The following GPR141 variants were observed in gnomAD, a reference collection of about 807,000 sequenced individuals.
The protein encoded by GPR141 is G protein-coupled receptor 141, also known as probable G protein-coupled receptor 141.
Under a neutral mutation model 6.8 loss-of-function variants are expected in GPR141, and 6 were observed. That is an observed-to-expected ratio of 0.88 (90% CI 0.48 to 1.74). The LOEUF (loss-of-function observed/expected upper bound fraction) is 1.74, where lower values mean the gene tolerates loss of function less well. Ranked by LOEUF, GPR141 falls within the 40% of genes most tolerant of loss-of-function variation. The probability of loss-of-function intolerance (pLI) is 0.01; values close to 1 mark genes in which losing one functional copy is unlikely to be tolerated. For synonymous variants in GPR141, 140 were observed against 142.3 expected, an observed-to-expected ratio of 0.98 and a Z score of 0.11; for missense variants, 372 against 372.9, an observed-to-expected ratio of 1.00 and a Z score of 0.02.
rs1247245839 is a variant in GPR141, at chr7:37,722,288, G to A, written c.-14-18092G>A. ...CCACTTGATGAGATGTTATACGGTCGTATAAAAGTGCACGGAAACAGGTCA... is the reference window on the plus strand; with the variant it reads ...CCACTTGATGAGATGTTATACGGTCATATAAAAGTGCACGGAAACAGGTCA... On this transcript the variant is annotated intron_variant, in intron 2 of 2. Coordinates refer to ENST00000334425, the MANE Select transcript of GPR141 (RefSeq NM_001381946.1). 7.2e-5 allele frequency among the ~76,000 whole-genome samples: 11 copies of A among 152,224 alleles called. No individual in the cohort carries two copies. The East Asian group carries it at 1.5e-3, about 21-fold the overall frequency.
chr7:37,718,791 A>C (rs1338734347), intron 2 of GPR141, among the ~76,000 whole-genome samples: 1 of 152,182 alleles, frequency 6.6e-6, no homozygotes, highest in African/African-American at 2.4e-5. Context: ...TGAGATCACA[A>C]GGGTGATAGA....
chr7:37,701,144 G>A (rs188564079), intron 2 of GPR141, among the ~76,000 whole-genome samples: 35 of 152,278 alleles, frequency 2.3e-4, no homozygotes, highest in Middle Eastern at 3.4e-3. Context: ...CTTATGATTC[G>A]TTGTGATTTG....
chr7:37,688,405 C>G (rs928835553), intron 2 of GPR141, among the ~76,000 whole-genome samples: 4 of 152,168 alleles, frequency 2.6e-5, no homozygotes, highest in Non-Finnish European at 5.9e-5. Context: ...CCACTTCAAC[C>G]TGGGCAACAA....
intron 2 of GPR141, among the ~76,000 whole-genome samples, chr7:37,736,577 T>C (rs1269760109): frequency 6.7e-6 from 1 of 150,152 alleles, no homozygotes; most frequent in African/African-American, 2.4e-5. Flanking sequence ...CATGCAACCA[T>C]AATAGAAGCA....
chr7:37,717,472 T>C (rs1312399868), intron 2 of GPR141, among the ~76,000 whole-genome samples: 3 of 152,226 alleles, frequency 2.0e-5, no homozygotes, highest in Non-Finnish European at 4.4e-5. Context: ...CAGACCATAA[T>C]GGAGAAGACC....
At chr7:37,739,321 T>C (rs1348385725) in intron 2 of GPR141, among the ~76,000 whole-genome samples, 1 of 152,206 alleles carries the variant, frequency 6.6e-6, no homozygotes, top group African/African-American at 2.4e-5. Context: ...AATAACACAA[T>C]TGTTCAAGTC....
At chr7:37,702,814 A>T (rs10951532) in intron 2 of GPR141, among the ~76,000 whole-genome samples, 70,039 of 145,114 alleles carry the variant, frequency 0.48, 17,129 homozygotes, top group South Asian at 0.61. Context: ...TTCAAAAAAA[A>T]AAATAAATAA....
At position 37,713,779 on chromosome 7, in the gene GPR141, T is replaced by G. The variant is rs150325129; in HGVS notation, c.-14-26601T>G. ...CGTGACTGAGACGTTATTTCTCTCC[T>G]GTGTAATTTTAGTTGCCACATATTG... On this transcript the variant is annotated intron_variant, in intron 2 of 2. Coordinates refer to ENST00000334425, the MANE Select transcript of GPR141 (RefSeq NM_001381946.1). Among the ~76,000 whole-genome samples, 320 of 152,354 alleles carry G rather than the reference T, an allele frequency of 2.1e-3. 5 individuals carry two copies. In the East Asian group the frequency reaches 0.05, roughly 24 times the overall value.
chr7:37,724,560 C>A (rs1258655314), intron 2 of GPR141, among the ~76,000 whole-genome samples: 1 of 152,164 alleles, frequency 6.6e-6, no homozygotes, highest in African/African-American at 2.4e-5. Context: ...ACACTGAGCT[C>A]GTCCTTAATG....
At chr7:37,694,806 C>T (rs900065553) in intron 2 of GPR141, among the ~76,000 whole-genome samples, 10 of 152,144 alleles carry the variant, frequency 6.6e-5, no homozygotes, top group African/African-American at 2.4e-4. Flanking sequence ...GGGATCCACC[C>T]CCATGACCTT....
chr7:37,733,672 A>C (rs1160552526), intron 2 of GPR141, among the ~76,000 whole-genome samples: 1 of 26,490 alleles, frequency 3.8e-5, no homozygotes, highest in African/African-American at 7.8e-5. Flanking sequence ...ACTCCATCTC[A>C]AAAAAAAAAA....
At chr7:37,731,719 G>T (rs1311135160) in intron 2 of GPR141, among the ~76,000 whole-genome samples, 1 of 152,182 alleles carries the variant, frequency 6.6e-6, no homozygotes, top group African/African-American at 2.4e-5. Context: ...CCCGAAGTGC[G>T]GGGATTACAG....
intron 2 of GPR141, among the ~76,000 whole-genome samples, chr7:37,733,409 C>A (rs1279748642): frequency 1.3e-5 from 2 of 152,070 alleles, no homozygotes; most frequent in South Asian, 4.2e-4. Flanking sequence ...GGGTGGCTCA[C>A]GCTTGTAATC....
intron 2 of GPR141, among the ~76,000 whole-genome samples, chr7:37,722,445 G>A (rs1811383152): frequency 6.6e-6 from 1 of 151,144 alleles, no homozygotes; most frequent in South Asian, 2.1e-4. Flanking sequence ...AAAAAAGCCG[G>A]GCACAGTAGC....
chr7:37,707,104 G>C (rs183266189), intron 2 of GPR141, among the ~76,000 whole-genome samples: 134 of 152,244 alleles, frequency 8.8e-4, no homozygotes, highest in Non-Finnish European at 1.6e-3. Flanking sequence ...ACTGTAGTCA[G>C]AGCCTTGTGG....
intron 2 of GPR141, among the ~76,000 whole-genome samples, chr7:37,704,609 A>G (rs1409643025): frequency 6.6e-6 from 1 of 152,100 alleles, no homozygotes. Context: ...ACAGTTCAAG[A>G]TGAGATTTGA....
intron 2 of GPR141, among the ~76,000 whole-genome samples, chr7:37,704,828 AAT>A (rs778127140): frequency 6.6e-6 from 1 of 152,122 alleles, no homozygotes; most frequent in Non-Finnish European, 1.5e-5. Flanking sequence ...TGTATTATGA[AAT>A]TATTCTTTTC....
chr7:37,731,758 T>C (rs1811954437), intron 2 of GPR141, among the ~76,000 whole-genome samples: 2 of 152,236 alleles, frequency 1.3e-5, no homozygotes, highest in African/African-American at 2.4e-5. Flanking sequence ...TATACAGATA[T>C]ATAATTTTTT....
rs368456046 is a variant in GPR141 at position 37,740,483 on chromosome 7, C to A, written c.90C>A (p.Gly30=). ...LISLYFIVLI[G]GLVGVISILF... ...GCCTCTACTTCATAGTGCTTATTGG[C>A]GGGCTGGTGGGTGTCATTTCCATTC... Residue 30 remains glycine (G), a synonymous_variant, in exon 3 of 3, where the codon GGC becomes GGA. Coordinates refer to ENST00000334425, the MANE Select transcript of GPR141 (RefSeq NM_001381946.1). The A allele has an allele frequency of 6.2e-7, 1 of 1,613,886 alleles. No individual in the cohort carries two copies. The highest frequency in any genetic ancestry group is 8.5e-7 in the Non-Finnish European group (1 of 1,179,820).
Sources: allele counts gnomAD v4.1 joint callset (sites outside exome capture counted in the v4.1 genomes callset), GRCh38; gene constraint gnomAD v4.1.1; transcripts MANE v1.5; gene names NCBI Gene and HGNC (gene_info 2026-07-23, HGNC 2026-07-21).